LTBP1: variants seen among roughly 807,000 people sequenced by gnomAD.
LTBP1 encodes the protein latent-transforming growth factor beta-binding protein 1.
In LTBP1, 129 loss-of-function variants were observed where a neutral mutation model predicts 207.6. The ratio of observed to expected loss-of-function variants is 0.62; its 90% CI spans 0.54 to 0.72. LTBP1 has a LOEUF of 0.72. Among genes scored for constraint, LTBP1 ranks in the 30% least tolerant of loss-of-function variants. LTBP1 has a pLI of 0.00. For missense variants in LTBP1, 2,281 were observed against 2,217.2 expected, an observed-to-expected ratio of 1.03 and a Z score of -0.58; for synonymous variants, 963 against 833.7, an observed-to-expected ratio of 1.16 and a Z score of -2.67.
intron 2 of LTBP1, among the ~76,000 whole-genome samples, chr2:33,014,890 G>A (rs765932204): frequency 6.6e-6 from 1 of 152,008 alleles, no homozygotes; most frequent in East Asian, 1.9e-4. Context: ...CCAGGATGGT[G>A]TAGGGTTTTG....
intron 7 of LTBP1, among the ~76,000 whole-genome samples, chr2:33,190,184 G>C (rs560191528): frequency 6.6e-6 from 1 of 152,218 alleles, no homozygotes; most frequent in African/African-American, 2.4e-5. Flanking sequence ...ACCTAAAAGC[G>C]TTGGTTCCTC....
chr2:33,202,761 G>C (rs539202876), intron 7 of LTBP1, among the ~76,000 whole-genome samples: 5 of 152,196 alleles, frequency 3.3e-5, no homozygotes, highest in Non-Finnish European at 7.3e-5. Flanking sequence ...CATCGCCTAA[G>C]GCCACATGCC....
intron 7 of LTBP1, among the ~76,000 whole-genome samples, chr2:33,190,816 T>C (rs964944576): frequency 2.0e-5 from 3 of 151,930 alleles, no homozygotes; most frequent in African/African-American, 7.3e-5. Flanking sequence ...ACAGCCCTCA[T>C]TGGCCTGTGG....
At chr2:33,258,711 A>C (rs1188310532) in intron 12 of LTBP1, among the ~76,000 whole-genome samples, 1 of 152,200 alleles carries the variant, frequency 6.6e-6, no homozygotes, top group Admixed American at 6.5e-5. Flanking sequence ...GCAGAATAGA[A>C]GGTTATTGAC....
intron 22 of LTBP1, among the ~76,000 whole-genome samples, chr2:33,305,482 A>G (rs2094074035): frequency 6.6e-6 from 1 of 152,190 alleles, no homozygotes. Context: ...ATAACACTTA[A>G]TCATTTATGG....
chr2:33,182,454 A>C (rs1055621911), intron 5 of LTBP1, among the ~76,000 whole-genome samples: 3 of 151,702 alleles, frequency 2.0e-5, no homozygotes, highest in Non-Finnish European at 2.9e-5. Flanking sequence ...TGAAGTCAGG[A>C]GATCGAAACC....
chr2:33,276,115 T>G (rs2093421398), intron 18 of LTBP1, among the ~76,000 whole-genome samples, 192 bp downstream of exon 18: 2 of 152,164 alleles, frequency 1.3e-5, no homozygotes, highest in African/African-American at 4.8e-5. Flanking sequence ...TCCATCTTCA[T>G]GCTCTCATTA....
At chr2:32,974,690 A>G (rs1681434756) in intron 2 of LTBP1, among the ~76,000 whole-genome samples, 1 of 152,150 alleles carries the variant, frequency 6.6e-6, no homozygotes, top group African/African-American at 2.4e-5. Context: ...AAATTAGAAT[A>G]GCAATCTCTG....
At chr2:33,222,449 C>T (rs557154285) in intron 9 of LTBP1, among the ~76,000 whole-genome samples, 1 of 152,296 alleles carries the variant, frequency 6.6e-6, no homozygotes, top group African/African-American at 2.4e-5. Context: ...ACCTCATATC[C>T]TTTCATGGGC....
intron 7 of LTBP1, among the ~76,000 whole-genome samples, chr2:33,190,976 G>T (rs1468755390): frequency 1.3e-5 from 2 of 152,186 alleles, no homozygotes; most frequent in Non-Finnish European, 2.9e-5. Flanking sequence ...GGACAGTGGG[G>T]CTGAAGATAA....
chr2:32,962,093 A>C (rs1435817319), intron 2 of LTBP1, among the ~76,000 whole-genome samples: 1 of 152,118 alleles, frequency 6.6e-6, no homozygotes, highest in Non-Finnish European at 1.5e-5. Flanking sequence ...GGAATGCATA[A>C]AATGTACCCA....
At chr2:33,228,118 T>C (rs1441152942) in intron 9 of LTBP1, among the ~76,000 whole-genome samples, 1 of 152,188 alleles carries the variant, frequency 6.6e-6, no homozygotes, top group Non-Finnish European at 1.5e-5. Context: ...AAGCTCTTAT[T>C]ATAGCTTTAT....
At chr2:33,125,243 T>A (rs2081359953) in intron 4 of LTBP1, among the ~76,000 whole-genome samples, 1 of 152,212 alleles carries the variant, frequency 6.6e-6, no homozygotes, top group South Asian at 2.1e-4. Context: ...AGCTTCACTG[T>A]TCCCTAGCAG....
intron 15 of LTBP1, among the ~76,000 whole-genome samples, chr2:33,265,596 T>TA (rs374593577): frequency 6.6e-6 from 1 of 152,160 alleles, no homozygotes; most frequent in African/African-American, 2.4e-5. Flanking sequence ...AGATGAAGGA[T>TA]AAAAAACTGA....
At chr2:32,993,115 C>G (rs1486220491) in intron 2 of LTBP1, among the ~76,000 whole-genome samples, 5 of 151,964 alleles carry the variant, frequency 3.3e-5, no homozygotes, top group Non-Finnish European at 7.4e-5. Flanking sequence ...AGGAGTGAGC[C>G]AGGGAGGTGG....
chr2:33,397,563 A>G (rs955804555), intron 33 of LTBP1, among the ~76,000 whole-genome samples: 7 of 129,236 alleles, frequency 5.4e-5, no homozygotes, highest in Admixed American at 9.4e-5. Flanking sequence ...GCTGGAGTGC[A>G]GTGGGGTGAT....
chr2:33,360,568 T>C, intron 26 of LTBP1, 29 bp from the exon 27 acceptor site: 1 of 1,512,290 alleles, frequency 6.6e-7, no homozygotes, highest in Non-Finnish European at 9.2e-7. Flanking sequence ...TGTGTCCTAT[T>C]GTCACTCTAC....
intron 3 of LTBP1, among the ~76,000 whole-genome samples, chr2:33,088,676 A>T (rs902912103): frequency 6.6e-6 from 1 of 152,136 alleles, no homozygotes; most frequent in Non-Finnish European, 1.5e-5. Flanking sequence ...CTTAATATAT[A>T]TTTGTTGAGT....
At chr2:33,108,926 A>G (rs2080228811) in intron 3 of LTBP1, among the ~76,000 whole-genome samples, 1 of 152,206 alleles carries the variant, frequency 6.6e-6, no homozygotes, top group Non-Finnish European at 1.5e-5. Flanking sequence ...AGTGTTCACA[A>G]TGTTAAGCCT....
Sources: gnomAD v4.1 joint callset for allele counts (sites outside exome capture counted in the v4.1 genomes callset) on GRCh38, gnomAD v4.1.1 for gene constraint, MANE v1.5 for transcripts, NCBI Gene and HGNC (gene_info 2026-07-23, HGNC 2026-07-21) for gene names.